Variants in THAP6 observed in about 807,000 individuals in gnomAD.
The protein encoded by THAP6 is THAP domain containing 6.
A neutral mutation model predicts 20.0 loss-of-function variants in THAP6; 13 were observed. That is an observed-to-expected ratio of 0.65 (90% confidence interval 0.42 to 1.03). THAP6 has a LOEUF of 1.03. THAP6 is among the 50% of genes least tolerant of loss of function. The pLI is 0.00. For missense variants in THAP6, 262 were observed against 261.6 expected, an observed-to-expected ratio of 1.00 and a Z score of -0.01; for synonymous variants, 93 against 92.2, an observed-to-expected ratio of 1.01 and a Z score of -0.05.
intron 3 of THAP6, chr4:75,544,761 A>G (rs892319832): frequency 2.0e-5 from 3 of 152,088 alleles, no homozygotes; most frequent in African/African-American, 7.2e-5. Flanking sequence ...ATGGGTTGAT[A>G]TGTCTCTAAA....
At chr4:75,516,705 G>T in intron 2 of THAP6, 67 bp from the exon 3 acceptor site, 1 of 1,354,568 alleles carries the variant, frequency 7.4e-7, no homozygotes, top group East Asian at 2.5e-5. Flanking sequence ...GTTGTATAAG[G>T]CAGCTTTAAT....
intron 3 of THAP6, among the ~76,000 whole-genome samples, chr4:75,546,418 A>G (rs1266971965): frequency 2.0e-5 from 3 of 152,232 alleles, no homozygotes; most frequent in South Asian, 2.1e-4. Context: ...GTCAAGGAGC[A>G]CTGTCCATGC....
At chr4:75,523,621 T>C (rs905250908) in intron 4 of THAP6, among the ~76,000 whole-genome samples, 1 of 151,788 alleles carries the variant, frequency 6.6e-6, no homozygotes, top group Admixed American at 6.6e-5. Flanking sequence ...CTGGGAAACA[T>C]GGTGAAACCC....
Position 75,527,626 on chromosome 4 carries a change from G to T in THAP6, c.*412G>T, listed in dbSNP as rs1030242123. The T allele has an allele frequency of 5.0e-6, 5 of 1,002,748 alleles. No homozygotes were observed. The African/African-American group carries it at 8.7e-5, about 17-fold the overall frequency. 62.1% of individuals were successfully genotyped at this position (1,002,748 alleles called of 1,614,324 possible). A position where few individuals can be genotyped will look rare whatever the true frequency, so the allele number is the denominator to read the frequency against. The stretch of plus-strand genomic sequence containing the variant: ...AAGTACATTGAATTTTACTTTAAAT[G>T]CATTTTACTACAAAGCACAATTCAT... On this transcript the variant is annotated 3_prime_UTR_variant, in exon 5 of 5. Transcript: ENST00000311638.
chr4:75,536,405 G>A (rs1030847623), intron 2 of THAP6, among the ~76,000 whole-genome samples: 14 of 152,036 alleles, frequency 9.2e-5, no homozygotes, highest in African/African-American at 3.4e-4. Context: ...TGGAGGTTGC[G>A]GTGAGCTGAG....
chr4:75,530,347 T>C (rs965111490), downstream of THAP6, among the ~76,000 whole-genome samples: 8 of 152,250 alleles, frequency 5.3e-5, no homozygotes, highest in African/African-American at 1.7e-4. Context: ...TTCTTCTTCA[T>C]AGTGGAACAT....
chr4:75,542,588 G>C, intron 3 of THAP6: 1 of 604,156 alleles, frequency 1.7e-6, no homozygotes, highest in Admixed American at 2.8e-5. Flanking sequence ...TTTTACAGAA[G>C]AGGAAATTAA....
intron 2 of THAP6, among the ~76,000 whole-genome samples, chr4:75,539,183 CT>C (rs1268957931): frequency 6.6e-6 from 1 of 152,172 alleles, no homozygotes; most frequent in Non-Finnish European, 1.5e-5. Context: ...AGCCTAATGC[CT>C]TTCTCCTCAT....
In THAP6 at chr4:75,529,268, G is replaced by A. The variant is rs752321076; in HGVS notation, c.*2054G>A. The A allele has an allele frequency of 2.2e-5, 22 of 985,136 alleles. No individual in the cohort carries two copies. Among genetic ancestry groups the A allele is most frequent in the Middle Eastern group, 5.2e-4 (1 of 1,932 alleles). The allele number at this position is 985,136 out of a possible 1,614,324, so 61.0% of individuals were successfully genotyped here. ...AAGAGGGTAGATCCAAACACAGTAT[G>A]TCTAAATTCTAGCACTCTACTGGCT... On this transcript the variant is annotated 3_prime_UTR_variant, in exon 5 of 5. Coordinates refer to ENST00000311638, the MANE Select transcript of THAP6 (RefSeq NM_144721.6).
chr4:75,516,680 A>C (rs1232859166), intron 2 of THAP6, 92 bp from the exon 3 acceptor site: 1 of 1,032,274 alleles, frequency 9.7e-7, no homozygotes, highest in Non-Finnish European at 1.4e-6. Flanking sequence ...TAGTTAACGA[A>C]TCAATTTAGT....
rs1726512291 is a variant in THAP6 at position 75,528,465 on chromosome 4, A to G, written c.*1251A>G. The stretch of plus-strand genomic sequence containing the variant: ...AGAAGTCCATGTTGTAGCAGTTAGA[A>G]TTTGAGTATCAGCCATTTCATTGTA... On this transcript the variant is annotated 3_prime_UTR_variant, in exon 5 of 5. Coordinates refer to ENST00000311638, the MANE Select transcript of THAP6 (RefSeq NM_144721.6). The G allele has an allele frequency of 5.1e-6, 5 of 985,414 alleles. No homozygotes were observed. The highest frequency in any genetic ancestry group is 6.0e-6 in the Non-Finnish European group (5 of 829,908). The allele number at this position is 985,414 out of a possible 1,614,324, so 61.0% of individuals were successfully genotyped here.
chr4:75,516,978 A>C lies in THAP6; in HGVS notation c.287A>C (p.Gln96Pro). 1.9e-6 allele frequency: 3 copies of C among 1,583,016 alleles called. No individual in the cohort carries two copies. The highest frequency in any genetic ancestry group is 2.6e-6 in the Non-Finnish European group (3 of 1,155,590). ...PSIFDSPYHL[Q>P]GKREKLHCRK... ...ATCTTTGATTCTCCATATCACCTAC[A>C]GGTTTGTTTATGAGATACTGTTTAC... The change falls in exon 3 of 5, where the codon CAG becomes CCG. Residue 96 changes from glutamine (Q) to proline (P), a missense_variant and splice_region_variant. Gln to Pro is a moderately conservative substitution (Grantham distance 76, BLOSUM62 -1). Transcript: ENST00000311638.
chr4:75,514,492 G>A lies in THAP6; in HGVS notation c.-49G>A. On this transcript the variant is annotated 5_prime_UTR_variant, in exon 1 of 5. Transcript: ENST00000311638. Reference sequence around the variant, plus strand: ...GAAGGCAGACGCAGTCTCCGTCGTTGACGTTAGTCGCAGTCTTCGCTGCTA... The same window carrying A: ...GAAGGCAGACGCAGTCTCCGTCGTTAACGTTAGTCGCAGTCTTCGCTGCTA... 13 of 539,864 alleles carry A rather than the reference G, an allele frequency of 2.4e-5. No homozygotes were observed. Among genetic ancestry groups the A allele is most frequent in the Non-Finnish European group, 4.0e-5 (12 of 303,162 alleles). The allele number at this position is 539,864 out of a possible 1,614,324, so 33.4% of individuals were successfully genotyped here. A position where few individuals can be genotyped will look rare whatever the true frequency, so the allele number is the denominator to read the frequency against.
intron 3 of THAP6, among the ~76,000 whole-genome samples, chr4:75,520,411 C>T (rs1240838759): frequency 6.6e-6 from 1 of 152,270 alleles, no homozygotes; most frequent in Non-Finnish European, 1.5e-5. Flanking sequence ...TTCCAAAGTA[C>T]TTTTGCAAAT....
chr4:75,541,521 TAG>T (rs1210697921), intron 2 of THAP6, among the ~76,000 whole-genome samples: 1 of 151,576 alleles, frequency 6.6e-6, no homozygotes, highest in African/African-American at 2.4e-5. Context: ...TGGTTACTTC[TAG>T]AGAGGGGGTT....
Position 75,527,453 on chromosome 4 carries a change from A to C in THAP6, c.*239A>C. ...AGACCTACACTAGTGCCAGGTCACTATTGTAAGATGTTAAAATCTCAAGAA... is the reference window on the plus strand; with the variant it reads ...AGACCTACACTAGTGCCAGGTCACTCTTGTAAGATGTTAAAATCTCAAGAA... On this transcript the variant is annotated 3_prime_UTR_variant, in exon 5 of 5. Coordinates refer to ENST00000311638, the MANE Select transcript of THAP6 (RefSeq NM_144721.6). 1 of 1,285,202 alleles carries C rather than the reference A, an allele frequency of 7.8e-7. No homozygotes were observed. Among genetic ancestry groups the C allele is most frequent in the Non-Finnish European group, 9.9e-7 (1 of 1,015,136 alleles). The allele number at this position is 1,285,202 out of a possible 1,614,324, so 79.6% of individuals were successfully genotyped here. A position where few individuals can be genotyped will look rare whatever the true frequency, so the allele number is the denominator to read the frequency against.
intron 2 of THAP6, among the ~76,000 whole-genome samples, chr4:75,536,262 C>G (rs1032389731): frequency 1.3e-5 from 2 of 152,142 alleles, no homozygotes; most frequent in African/African-American, 2.4e-5. Flanking sequence ...GTCGGGAGTT[C>G]AAGACCAGCC....
At chr4:75,524,055 G>T (rs1362852305) in intron 4 of THAP6, among the ~76,000 whole-genome samples, 1 of 152,106 alleles carries the variant, frequency 6.6e-6, no homozygotes, top group East Asian at 1.9e-4. Flanking sequence ...TGGCACCTTT[G>T]TCAAAAGTGA....
intron 2 of THAP6, among the ~76,000 whole-genome samples, chr4:75,540,305 A>G (rs1227331063): frequency 6.6e-6 from 1 of 152,228 alleles, no homozygotes; most frequent in Non-Finnish European, 1.5e-5. Flanking sequence ...AGACTTCCTT[A>G]GTAAATGAAA....
Sources: gnomAD v4.1 joint callset for allele counts (sites outside exome capture counted in the v4.1 genomes callset) on GRCh38, gnomAD v4.1.1 for gene constraint, MANE v1.5 for transcripts, NCBI Gene and HGNC (gene_info 2026-07-23, HGNC 2026-07-21) for gene names.